GRID2: variants seen among roughly 807,000 people sequenced by gnomAD.
GRID2 encodes the protein glutamate ionotropic receptor delta type subunit 2.
GRID2 carries 33 observed loss-of-function variants against 114.8 expected under a neutral mutation model. The observed-to-expected ratio is 0.29, with a 90% CI of 0.22 to 0.38. GRID2 has a LOEUF of 0.38. Among genes scored for constraint, GRID2 ranks in the 10% least tolerant of loss-of-function variants. The pLI, the probability that GRID2 is intolerant of heterozygous loss-of-function variation, is 1.00. For missense variants in GRID2, 1,184 were observed against 1,257.7 expected, an observed-to-expected ratio of 0.94 and a Z score of 0.89; for synonymous variants, 505 against 449.9, an observed-to-expected ratio of 1.12 and a Z score of -1.55.
At chr4:92,323,099 G>A (rs909816471) in intron 1 of GRID2, among the ~76,000 whole-genome samples, 1 of 151,936 alleles carries the variant, frequency 6.6e-6, no homozygotes, top group African/African-American at 2.4e-5. Context: ...GGAGTGTACT[G>A]TTTTTTAAAA....
chr4:93,520,162 A>T (rs1730188964), intron 13 of GRID2, among the ~76,000 whole-genome samples: 1 of 152,142 alleles, frequency 6.6e-6, no homozygotes, highest in Admixed American at 6.6e-5. Context: ...TATTTTACAT[A>T]CTCATTCAAC....
intron 1 of GRID2, among the ~76,000 whole-genome samples, chr4:92,305,852 T>G (rs1725375115): frequency 6.6e-6 from 1 of 152,210 alleles, no homozygotes; most frequent in African/African-American, 2.4e-5. Context: ...GAAATTCGCT[T>G]ACCGAGCCAG....
chr4:92,377,953 C>A (rs751941255), intron 1 of GRID2, among the ~76,000 whole-genome samples: 1 of 151,950 alleles, frequency 6.6e-6, no homozygotes, highest in Non-Finnish European at 1.5e-5. Flanking sequence ...AATATTTCAA[C>A]GTATGTGGTT....
chr4:92,573,391 T>G (rs1727726023), intron 1 of GRID2, among the ~76,000 whole-genome samples: 1 of 152,178 alleles, frequency 6.6e-6, no homozygotes, highest in Non-Finnish European at 1.5e-5. Context: ...TCTAGTTCTT[T>G]TGTTGTGATG....
intron 2 of GRID2, among the ~76,000 whole-genome samples, chr4:92,861,334 TA>T (rs1167824924): frequency 6.6e-6 from 1 of 152,110 alleles, no homozygotes; most frequent in Non-Finnish European, 1.5e-5. Flanking sequence ...CCATATTATA[TA>T]ACCTAATCAT....
At chr4:93,365,552 A>T (rs76565165) in intron 8 of GRID2, among the ~76,000 whole-genome samples, 1 of 152,158 alleles carries the variant, frequency 6.6e-6, no homozygotes. Context: ...AATTATTGTC[A>T]TCTCACCCTC....
chr4:93,784,645 T>TACACACACACACACACACACACAC (rs59896203), intron 1 of GRID2, among the ~76,000 whole-genome samples: 5 of 147,738 alleles, frequency 3.4e-5, no homozygotes, highest in East Asian at 2.0e-4. Flanking sequence ...GTCCTTTTTA[T>TACACACACACACACACACACACAC]ACACACACAC....
chr4:93,671,339 G>T (rs947580749), intron 14 of GRID2, among the ~76,000 whole-genome samples: 1 of 152,146 alleles, frequency 6.6e-6, no homozygotes, highest in Non-Finnish European at 1.5e-5. Context: ...ACCCAAAAGG[G>T]TTTTTTCCCC....
chr4:93,325,542 A>G (rs551913653), intron 8 of GRID2, among the ~76,000 whole-genome samples: 29 of 151,816 alleles, frequency 1.9e-4, no homozygotes, highest in Non-Finnish European at 3.5e-4. Context: ...AATATAGATT[A>G]TTAATTTTCT....
At chr4:93,220,236 A>C (rs1744715156) in intron 6 of GRID2, among the ~76,000 whole-genome samples, 1 of 151,576 alleles carries the variant, frequency 6.6e-6, no homozygotes, top group Non-Finnish European at 1.5e-5. Flanking sequence ...CTAAGCCTTT[A>C]TTTATATATA....
intron 4 of GRID2, among the ~76,000 whole-genome samples, chr4:93,134,743 A>G (rs944198693): frequency 6.6e-6 from 1 of 152,164 alleles, no homozygotes; most frequent in Admixed American, 6.5e-5. Context: ...ATATTGAATC[A>G]GGAATATATT....
rs1725270340 is a variant in GRID2, at chr4:92,304,415, G to A, written c.-242G>A. The A allele has an allele frequency of 7.0e-6, 4 of 573,386 alleles. No individual in the cohort carries two copies. The highest frequency in any genetic ancestry group is 6.1e-5 in the East Asian group (2 of 32,904). 35.5% of individuals were successfully genotyped at this position (573,386 alleles called of 1,614,324 possible). On this transcript the variant is annotated 5_prime_UTR_variant, in exon 1 of 16. Coordinates refer to ENST00000282020, the MANE Select transcript of GRID2 (RefSeq NM_001510.4). The stretch of plus-strand genomic sequence containing the variant: ...AAGCCAAACTGCAAACAACTCTGGC[G>A]ATGCCAAAATTCCCCTCCAAGTGAC...
At chr4:93,018,038 C>G (rs1032160430) in intron 2 of GRID2, among the ~76,000 whole-genome samples, 1 of 151,322 alleles carries the variant, frequency 6.6e-6, no homozygotes, top group Admixed American at 6.6e-5. Flanking sequence ...AAAACACAAA[C>G]TGATTTTTAT....
chr4:92,499,280 T>C (rs1471018105), intron 1 of GRID2, among the ~76,000 whole-genome samples: 1 of 152,120 alleles, frequency 6.6e-6, no homozygotes, highest in Non-Finnish European at 1.5e-5. Context: ...AAGTATATCC[T>C]GCCCTACCAA....
At chr4:93,729,086 TG>T (rs1730230615) in intron 14 of GRID2, among the ~76,000 whole-genome samples, 1 of 152,122 alleles carries the variant, frequency 6.6e-6, no homozygotes, top group Non-Finnish European at 1.5e-5. Context: ...AGGCCTGAGA[TG>T]AGGTTTAACT....
chr4:92,605,270 C>T (rs769059404), intron 2 of GRID2, among the ~76,000 whole-genome samples: 10 of 152,090 alleles, frequency 6.6e-5, no homozygotes, highest in East Asian at 1.9e-4. Flanking sequence ...GGCCAAATGA[C>T]GGAAACTAGG....
intron 8 of GRID2, among the ~76,000 whole-genome samples, chr4:93,328,649 A>G (rs544885091): frequency 3.0e-4 from 46 of 152,028 alleles, no homozygotes; most frequent in Non-Finnish European, 6.0e-4. Flanking sequence ...GTTTTATTTT[A>G]TTTACCTTTA....
chr4:92,595,547 T>C (rs569268338), intron 2 of GRID2, among the ~76,000 whole-genome samples: 10 of 152,150 alleles, frequency 6.6e-5, no homozygotes, highest in South Asian at 2.1e-4. Flanking sequence ...TGATTACCCA[T>C]TGCTCTTGTA....
chr4:93,685,928 G>A (rs1726037102), intron 14 of GRID2, among the ~76,000 whole-genome samples: 1 of 151,960 alleles, frequency 6.6e-6, no homozygotes, highest in Admixed American at 6.6e-5. Flanking sequence ...AAAACACAGG[G>A]GAGAGAGGCT....
Sources: gnomAD v4.1 joint callset for allele counts (sites outside exome capture counted in the v4.1 genomes callset) on GRCh38, gnomAD v4.1.1 for gene constraint, MANE v1.5 for transcripts, NCBI Gene and HGNC (gene_info 2026-07-23, HGNC 2026-07-21) for gene names.